The following LHFPL3 variants were observed in gnomAD, a reference collection of about 807,000 sequenced individuals.
The protein encoded by LHFPL3 is LHFPL tetraspan subfamily member 3 protein.
A neutral mutation model predicts 19.3 loss-of-function variants in LHFPL3; 5 were observed. That is an observed-to-expected ratio of 0.26 (90% CI 0.14 to 0.54). The LOEUF is 0.54. Ranked by LOEUF, LHFPL3 falls within the 20% of genes least tolerant of loss-of-function variation. The pLI is 0.94. For missense variants in LHFPL3, 249 were observed against 307.4 expected (o/e 0.81, Z 1.42); for synonymous variants, 133 against 126.2 (o/e 1.05, Z -0.36).
chr7:104,329,365 G>C (rs990287795), intron 1 of LHFPL3, 141 bp downstream of exon 1: 50 of 1,142,714 alleles, frequency 4.4e-5, no homozygotes, highest in Middle Eastern at 3.0e-4. Flanking sequence ...GGTGTGGGGG[G>C]CGGGAGCCCA....
At chr7:104,663,323 C>G (rs563776050) in intron 1 of LHFPL3, among the ~76,000 whole-genome samples, 2 of 152,286 alleles carry the variant, frequency 1.3e-5, no homozygotes, top group South Asian at 4.1e-4. Flanking sequence ...TAAAAAGAAC[C>G]TTTGAGAATT....
At chr7:104,392,495 T>C (rs1472470437) in intron 1 of LHFPL3, among the ~76,000 whole-genome samples, 2 of 151,976 alleles carry the variant, frequency 1.3e-5, no homozygotes, top group Non-Finnish European at 2.9e-5. Flanking sequence ...CATTTATTGA[T>C]TTGTGTATAT....
Position 104,328,976 on chromosome 7 carries a change from A to T in LHFPL3, c.197A>T (p.Asp66Val). The stretch of plus-strand genomic sequence containing the variant: ...CCCTACTGGATAGGCGACGGCGTGG[A>T]CACCCCGCAAGCCGGCTATTTCGGG... ...IQPYWIGDGVDTPQAGYFGLF... is the reference protein window; with the variant it reads ...IQPYWIGDGVVTPQAGYFGLF... Residue 66 changes from aspartate (D) to valine (V), a missense_variant, in exon 1 of 3, where the codon GAC (aspartate) becomes GTC (valine). Transcript: ENST00000424859. This position sits in a 1 kb window ranked among gnomAD's most constrained non-coding sequence, Gnocchi z 4.6. 4 of 1,614,116 alleles carry T rather than the reference A, an allele frequency of 2.5e-6. No homozygotes were observed. Among genetic ancestry groups the T allele is most frequent in the Non-Finnish European group, 3.4e-6 (4 of 1,180,010 alleles).
At chr7:104,503,249 C>A (rs1562918180) in intron 1 of LHFPL3, among the ~76,000 whole-genome samples, 1 of 151,900 alleles carries the variant, frequency 6.6e-6, no homozygotes, top group Non-Finnish European at 1.5e-5. Flanking sequence ...GGTTAAAAAG[C>A]AGAATGAACA....
intron 1 of LHFPL3, among the ~76,000 whole-genome samples, chr7:104,450,513 A>G (rs1792412968): frequency 6.6e-6 from 1 of 152,024 alleles, no homozygotes; most frequent in Non-Finnish European, 1.5e-5. Flanking sequence ...CGTAAGTGGG[A>G]GTTGAACAAT....
At chr7:104,746,527 G>A (rs552543308) in intron 2 of LHFPL3, among the ~76,000 whole-genome samples, 13 of 152,274 alleles carry the variant, frequency 8.5e-5, no homozygotes, top group Middle Eastern at 6.8e-3. Flanking sequence ...ATTATAATTA[G>A]AAATCAGTAA....
chr7:104,683,050 C>T (rs569647469), intron 1 of LHFPL3, among the ~76,000 whole-genome samples: 20 of 152,248 alleles, frequency 1.3e-4, no homozygotes, highest in Admixed American at 4.6e-4. Context: ...AGTTCAGTGC[C>T]GTGATCTCGG....
At chr7:104,849,404 C>T (rs908159787) in intron 2 of LHFPL3, among the ~76,000 whole-genome samples, 2 of 152,326 alleles carry the variant, frequency 1.3e-5, no homozygotes, top group South Asian at 4.1e-4. Context: ...CAGAGACACA[C>T]ATTAATTTGC....
intron 1 of LHFPL3, among the ~76,000 whole-genome samples, chr7:104,649,204 G>A (rs2115930072): frequency 6.6e-6 from 1 of 152,332 alleles, no homozygotes; most frequent in Middle Eastern, 3.4e-3. Flanking sequence ...TGGATGGTAG[G>A]AATGACAAAA....
At chr7:104,473,537 A>G (rs746962655) in intron 1 of LHFPL3, among the ~76,000 whole-genome samples, 4 of 152,200 alleles carry the variant, frequency 2.6e-5, no homozygotes, top group Non-Finnish European at 5.9e-5. Context: ...CTTTGTGCCT[A>G]TCTATCCATT....
chr7:104,699,820 C>T (rs530608945), intron 1 of LHFPL3, among the ~76,000 whole-genome samples: 1 of 152,316 alleles, frequency 6.6e-6, no homozygotes, highest in East Asian at 1.9e-4. Context: ...TACACGCTGA[C>T]ATCAGCTGGG....
In LHFPL3 at chr7:104,522,088, G is replaced by A. The variant is rs1378163831; in HGVS notation, c.445+192864G>A. 7.9e-5 allele frequency among the ~76,000 whole-genome samples: 12 copies of A among 152,092 alleles called. No homozygotes were observed. The East Asian group carries it at 1.9e-3, about 25-fold the overall frequency. On this transcript the variant is annotated intron_variant, in intron 1 of 2. Transcript: ENST00000424859. Reference sequence around the variant, plus strand: ...TGCTGCTATAAAGACACATGCACACGTATGTTTACTGAGGCATTATTCACA... The same window carrying A: ...TGCTGCTATAAAGACACATGCACACATATGTTTACTGAGGCATTATTCACA...
intron 1 of LHFPL3, among the ~76,000 whole-genome samples, chr7:104,361,860 CA>C (rs1192027923): frequency 6.6e-6 from 1 of 152,168 alleles, no homozygotes; most frequent in Non-Finnish European, 1.5e-5. Context: ...AAAAGACAGG[CA>C]ATAATTTTCT....
At chr7:104,740,361 A>C (rs1793910785) in intron 2 of LHFPL3, among the ~76,000 whole-genome samples, 2 of 152,238 alleles carry the variant, frequency 1.3e-5, no homozygotes, top group African/African-American at 4.8e-5. Flanking sequence ...GAAATTGTAG[A>C]ATATGCCCCT....
At chr7:104,408,398 A>G (rs186198377) in intron 1 of LHFPL3, among the ~76,000 whole-genome samples, 12 of 151,186 alleles carry the variant, frequency 7.9e-5, no homozygotes, top group Non-Finnish European at 1.6e-4. Context: ...TTCACATATG[A>G]ATTTGTGGTA....
intron 1 of LHFPL3, among the ~76,000 whole-genome samples, chr7:104,579,981 G>A (rs1790425834): frequency 6.6e-6 from 1 of 152,096 alleles, no homozygotes; most frequent in Admixed American, 6.6e-5. Flanking sequence ...TTAGCTCTTT[G>A]TAATGGAATT....
chr7:104,559,510 T>C (rs1354121321), intron 1 of LHFPL3, among the ~76,000 whole-genome samples: 1 of 150,356 alleles, frequency 6.7e-6, no homozygotes, highest in Non-Finnish European at 1.5e-5. Context: ...AGAATGCTTG[T>C]GATTTTTGTA....
At chr7:104,617,817 C>T (rs1475733576) in intron 1 of LHFPL3, among the ~76,000 whole-genome samples, 2 of 152,182 alleles carry the variant, frequency 1.3e-5, no homozygotes, top group South Asian at 2.1e-4. Flanking sequence ...AAAGCTGAGC[C>T]AATGTTTGTG....
intron 1 of LHFPL3, among the ~76,000 whole-genome samples, chr7:104,501,352 A>G (rs181382492): frequency 1.3e-5 from 2 of 152,354 alleles, no homozygotes; most frequent in Admixed American, 1.3e-4. Context: ...AAACCAGTCA[A>G]CTGAACAGCT....
Sources: gnomAD v4.1 joint callset for allele counts (sites outside exome capture counted in the v4.1 genomes callset) on GRCh38, gnomAD v4.1.1 for gene constraint, Gnocchi (gnomAD v3.1) non-coding constraint, MANE v1.5 for transcripts, NCBI Gene and HGNC (gene_info 2026-07-23, HGNC 2026-07-21) for gene names.